KCNK9: variants seen among roughly 807,000 people sequenced by gnomAD.
The protein encoded by KCNK9 is potassium channel subfamily K member 9.
KCNK9 carries 1 observed loss-of-function variant against 10.8 expected under a neutral mutation model. The observed-to-expected ratio is 0.09, with a 90% CI of 0.03 to 0.44. KCNK9 has a LOEUF of 0.44. Ranked by LOEUF, KCNK9 falls within the 20% of genes least tolerant of loss-of-function variation. KCNK9 has a pLI of 0.97. For missense variants in KCNK9, 303 were observed against 515.0 expected (o/e 0.59, Z 3.98); for synonymous variants, 231 against 222.7 (o/e 1.04, Z -0.33).
intron 1 of KCNK9, among the ~76,000 whole-genome samples, chr8:139,630,358 G>A (rs2129635088): frequency 6.6e-6 from 1 of 152,294 alleles, no homozygotes; most frequent in African/African-American, 2.4e-5. Flanking sequence ...GCTTGCTACT[G>A]GCCTGGAAAT....
chr8:139,609,616 A>G (rs1317963282), downstream of KCNK9, among the ~76,000 whole-genome samples: 5 of 152,218 alleles, frequency 3.3e-5, no homozygotes, highest in Non-Finnish European at 7.3e-5. Context: ...TCACAGCTCA[A>G]CTGGCTAAGG....
chr8:139,652,485 G>T (rs1159004591), intron 1 of KCNK9, among the ~76,000 whole-genome samples: 1 of 152,056 alleles, frequency 6.6e-6, no homozygotes. Flanking sequence ...ATGCATGTGG[G>T]GTCCTTCCCT....
intron 1 of KCNK9, among the ~76,000 whole-genome samples, chr8:139,663,685 G>C (rs1455689341): frequency 6.7e-6 from 1 of 148,970 alleles, no homozygotes; most frequent in Non-Finnish European, 1.5e-5. Context: ...GTGTGTGTTA[G>C]AGAGAGAGAT....
In KCNK9 at chr8:139,679,252, C is replaced by T. The variant is rs572824887; in HGVS notation, c.283+23458G>A. Among the ~76,000 whole-genome samples the T allele has an allele frequency of 5.3e-5, 8 of 152,348 alleles. No homozygotes were observed. The South Asian group carries it at 1.4e-3, about 28-fold the overall frequency. Reference sequence around the variant, plus strand: ...TCCCGGAGAGCGCCTGTGTCCCTGACGCACAGGTGCAGGCCCAGCTGGCAC... The same window carrying T: ...TCCCGGAGAGCGCCTGTGTCCCTGATGCACAGGTGCAGGCCCAGCTGGCAC... On this transcript the variant is annotated intron_variant, in intron 1 of 1. Transcript: ENST00000520439.
In KCNK9 at chr8:139,617,541, TTAATA is replaced by T. The variant is rs1814636263; in HGVS notation, c.*712_*716del. On this transcript the variant is annotated 3_prime_UTR_variant, in exon 2 of 2. Transcript: ENST00000520439. ...CTTGCCCACCCGCCCCTAAAAAACA[TTAATA>T]TAATTTAGAACCTAGCATTTAGAAA... is the stretch of plus-strand genomic sequence containing the variant. Among the ~76,000 whole-genome samples the T allele has an allele frequency of 6.6e-6, 1 of 152,146 alleles. No individual in the cohort carries two copies. The highest frequency in any genetic ancestry group is 1.5e-5 in the Non-Finnish European group (1 of 68,030).
Position 139,687,486 on chromosome 8 carries a change from A to ATATATTCATATATATG in KCNK9, c.283+15223_283+15224insCATATATATGAATATA, listed in dbSNP as rs1563751862. Among the ~76,000 whole-genome samples, 8 of 68,144 alleles carry ATATATTCATATATATG rather than the reference A, an allele frequency of 1.2e-4. 1 individual carries two copies. Among genetic ancestry groups the ATATATTCATATATATG allele is most frequent in the African/African-American group, 2.8e-4 (5 of 18,004 alleles). 44.7% of individuals were successfully genotyped at this position (68,144 alleles called of 152,430 possible). On this transcript the variant is annotated intron_variant, in intron 1 of 1. Transcript: ENST00000520439. ...CATATATTCATATATATGTATACAT[A>ATATATTCATATATATG]TATACACATATATACATATATATGT...
At chr8:139,658,673 G>T (rs866821577) in intron 1 of KCNK9, among the ~76,000 whole-genome samples, 1 of 152,194 alleles carries the variant, frequency 6.6e-6, no homozygotes, top group Admixed American at 6.5e-5. Context: ...CAAACCAGAT[G>T]TGTCCTCAGG....
At chr8:139,678,625 C>T (rs908566320) in intron 1 of KCNK9, among the ~76,000 whole-genome samples, 1 of 152,252 alleles carries the variant, frequency 6.6e-6, no homozygotes, top group Non-Finnish European at 1.5e-5. Flanking sequence ...TGGATGCAGC[C>T]TCATAGCGCT....
intron 1 of KCNK9, among the ~76,000 whole-genome samples, chr8:139,656,633 C>T (rs1397003354): frequency 6.6e-6 from 1 of 152,214 alleles, no homozygotes; most frequent in Non-Finnish European, 1.5e-5. Flanking sequence ...TGATTTTCTT[C>T]TTTATGCCAA....
intron 1 of KCNK9, among the ~76,000 whole-genome samples, chr8:139,623,445 G>C (rs2542423): frequency 0.34 from 52,435 of 152,084 alleles, 9,983 homozygotes; most frequent in Non-Finnish European, 0.43. Flanking sequence ...CTCCCAAGGG[G>C]CTCCAGCCAG....
At chr8:139,662,910 C>A (rs1460060522) in intron 1 of KCNK9, among the ~76,000 whole-genome samples, 1 of 151,416 alleles carries the variant, frequency 6.6e-6, no homozygotes, top group Non-Finnish European at 1.5e-5. Context: ...AGGCTAGGAG[C>A]TTCCTGACGC....
At chr8:139,692,087 T>A (rs1816945493) in intron 1 of KCNK9, among the ~76,000 whole-genome samples, 1 of 152,116 alleles carries the variant, frequency 6.6e-6, no homozygotes, top group Non-Finnish European at 1.5e-5. Flanking sequence ...CATGGAACCA[T>A]GAGACACCAG....
chr8:139,657,450 G>A (rs149998102), intron 1 of KCNK9, among the ~76,000 whole-genome samples: 1 of 152,160 alleles, frequency 6.6e-6, no homozygotes, highest in Non-Finnish European at 1.5e-5. Flanking sequence ...GAGCCGGGGA[G>A]GACCTGTGGC....
chr8:139,664,955 G>C (rs937779595), intron 1 of KCNK9, among the ~76,000 whole-genome samples: 5 of 152,140 alleles, frequency 3.3e-5, no homozygotes, highest in African/African-American at 1.2e-4. Context: ...GAGGGATCTG[G>C]GGGGGATGTC....
At chr8:139,613,740 G>T (rs977226957), downstream of KCNK9, among the ~76,000 whole-genome samples, 1 of 152,194 alleles carries the variant, frequency 6.6e-6, no homozygotes, top group East Asian at 1.9e-4. Context: ...ACAATAACAG[G>T]TCCCCTGCCT....
intron 1 of KCNK9, among the ~76,000 whole-genome samples, chr8:139,624,990 C>T (rs1316810125): frequency 1.3e-5 from 2 of 152,220 alleles, no homozygotes; most frequent in African/African-American, 2.4e-5. Context: ...CCTCTACTTC[C>T]TCATCTGTGA....
At chr8:139,662,946 T>C (rs1816200502) in intron 1 of KCNK9, among the ~76,000 whole-genome samples, 1 of 151,864 alleles carries the variant, frequency 6.6e-6, no homozygotes. Context: ...CGCCTTAGTG[T>C]GCAGGGGCTT....
intron 1 of KCNK9, among the ~76,000 whole-genome samples, chr8:139,636,040 C>T (rs959345999): frequency 2.6e-5 from 4 of 152,180 alleles, no homozygotes; most frequent in African/African-American, 9.7e-5. Flanking sequence ...GCCAAAAGCA[C>T]ACTGTTTCTG....
At chr8:139,666,362 T>A (rs963969692) in intron 1 of KCNK9, among the ~76,000 whole-genome samples, 3 of 152,260 alleles carry the variant, frequency 2.0e-5, no homozygotes, top group African/African-American at 7.2e-5. Context: ...ATGTCAGTGC[T>A]GTGTGAGGTG....
Sources: gnomAD v4.1 joint callset for allele counts (sites outside exome capture counted in the v4.1 genomes callset) on GRCh38, gnomAD v4.1.1 for gene constraint, MANE v1.5 for transcripts, NCBI Gene and HGNC (gene_info 2026-07-23, HGNC 2026-07-21) for gene names.